HMGN1: variants seen among roughly 807,000 people sequenced by gnomAD.
HMGN1 encodes high mobility group nucleosome binding domain 1.
Under a neutral mutation model 18.4 loss-of-function variants are expected in HMGN1, and 9 were observed. That is an observed-to-expected ratio of 0.49 (90% CI 0.29 to 0.85). HMGN1 has a LOEUF of 0.85. HMGN1 is among the 40% of genes least tolerant of loss of function. The pLI, the probability that HMGN1 is intolerant of heterozygous loss-of-function variation, is 0.07. For synonymous variants in HMGN1, 59 were observed against 45.0 expected (o/e 1.31, Z -1.24); for missense variants, 151 against 119.2 (o/e 1.27, Z -1.24).
rs2037172995 is a variant in HMGN1, at chr21:39,348,957, A to C, written c.-40T>G. The C allele has an allele frequency of 8.4e-7, 1 of 1,194,828 alleles. No individual in the cohort carries two copies. Among genetic ancestry groups the C allele is most frequent in the Non-Finnish European group, 1.0e-6 (1 of 964,688 alleles). 74.0% of individuals were successfully genotyped at this position (1,194,828 alleles called of 1,614,324 possible). Reference sequence around the variant, plus strand: ...AGGCGCGTGCCGGGTGCCTGCGGGGAAGGCGCGTGCCGGGTGCCTGCGGGC... The same window carrying C: ...AGGCGCGTGCCGGGTGCCTGCGGGGCAGGCGCGTGCCGGGTGCCTGCGGGC... On this transcript the variant is annotated 5_prime_UTR_variant, in exon 1 of 6. Coordinates refer to ENST00000380749, the MANE Select transcript of HMGN1 (RefSeq NM_004965.7).
intron 3 of HMGN1, 34 bp downstream of exon 3, chr21:39,348,388 G>A: frequency 1.2e-6 from 2 of 1,614,208 alleles, no homozygotes; most frequent in Non-Finnish European, 1.7e-6. Context: ...ACGACCCGCG[G>A]AAAACGAACG....
rs949529732 is a variant in HMGN1 at position 39,342,696 on chromosome 21, G to A, written c.*416C>T. Reference sequence around the variant, plus strand: ...ATGATCAAAGAGTGGTTTTCTTTAGGAAACAATTCTACTAAAAAACAACAT... The same window carrying A: ...ATGATCAAAGAGTGGTTTTCTTTAGAAAACAATTCTACTAAAAAACAACAT... On this transcript the variant is annotated 3_prime_UTR_variant, in exon 6 of 6. Transcript: ENST00000380749. 9.6e-5 allele frequency: 33 copies of A among 344,186 alleles called. No homozygotes were observed. Among genetic ancestry groups the A allele is most frequent in the Admixed American group, 1.3e-4 (3 of 22,398 alleles). 21.3% of individuals were successfully genotyped at this position (344,186 alleles called of 1,614,324 possible). A position where few individuals can be genotyped will look rare whatever the true frequency, so the allele number is the denominator to read the frequency against.
Position 39,343,367 on chromosome 21 carries a change from CAGGAAA to C in HMGN1, c.256-214_256-209del, listed in dbSNP as rs531379628. On this transcript the variant is annotated intron_variant, in intron 5 of 5. Coordinates refer to ENST00000380749, the MANE Select transcript of HMGN1 (RefSeq NM_004965.7). ...TGGTCATGTGCATGCATCTACAGAG[CAGGAAA>C]AAATGTTGAGTTGCATCACATGTAC... Among the ~76,000 whole-genome samples the C allele has an allele frequency of 7.6e-3, 1,160 of 152,268 alleles. 8 individuals carry two copies. The highest frequency in any genetic ancestry group is 0.027 in the Middle Eastern group (8 of 294).
chr21:39,348,627 C>A (rs781372906), intron 1 of HMGN1, 50 bp from the exon 2 acceptor site: 3 of 1,501,944 alleles, frequency 2.0e-6, no homozygotes, highest in South Asian at 1.2e-5. Context: ...TCCCAGGACT[C>A]GCGGGCCCGC....
intron 5 of HMGN1, among the ~76,000 whole-genome samples, chr21:39,343,834 G>A (rs35242635): frequency 2.0e-5 from 3 of 152,130 alleles, no homozygotes; most frequent in East Asian, 1.9e-4. Flanking sequence ...ATAGAACACA[G>A]CTATAAACAA....
chr21:39,342,865 C>T lies in HMGN1; in HGVS notation c.*247G>A. 6.9e-7 allele frequency: 1 copy of T among 1,452,822 alleles called. No individual in the cohort carries two copies. Among genetic ancestry groups the T allele is most frequent in the South Asian group, 1.2e-5 (1 of 82,114 alleles). 90.0% of individuals were successfully genotyped at this position (1,452,822 alleles called of 1,614,324 possible). A position where few individuals can be genotyped will look rare whatever the true frequency, so the allele number is the denominator to read the frequency against. Reference sequence around the variant, plus strand: ...AGCTGACACCCGAGACAGTCAGAGCCTCCCATAATTCAATATCCCACACTA... The same window carrying T: ...AGCTGACACCCGAGACAGTCAGAGCTTCCCATAATTCAATATCCCACACTA... On this transcript the variant is annotated 3_prime_UTR_variant, in exon 6 of 6. Transcript: ENST00000380749.
rs200365850 is a variant in HMGN1, at chr21:39,342,866, T to C, written c.*246A>G. The stretch of plus-strand genomic sequence containing the variant: ...GCTGACACCCGAGACAGTCAGAGCC[T>C]CCCATAATTCAATATCCCACACTAT... On this transcript the variant is annotated 3_prime_UTR_variant, in exon 6 of 6. Transcript: ENST00000380749. The C allele has an allele frequency of 2.2e-4, 322 of 1,448,902 alleles. 1 individual carries two copies. The highest frequency in any genetic ancestry group is 2.9e-4 in the Non-Finnish European group (316 of 1,085,918). 89.8% of individuals were successfully genotyped at this position (1,448,902 alleles called of 1,614,324 possible). A position where few individuals can be genotyped will look rare whatever the true frequency, so the allele number is the denominator to read the frequency against.
At chr21:39,345,399 G>A in intron 4 of HMGN1, 125 bp from the exon 5 acceptor site, 2 of 869,680 alleles carry the variant, frequency 2.3e-6, no homozygotes, top group Non-Finnish European at 1.8e-6. Context: ...AGTAAGGTTT[G>A]AGAGAGGGAC....
intron 4 of HMGN1, 43 bp downstream of exon 4, chr21:39,348,247 TAG>T (rs1279499847): frequency 1.9e-6 from 3 of 1,604,640 alleles, no homozygotes; most frequent in Non-Finnish European, 2.6e-6. Flanking sequence ...AGAAGCAGTG[TAG>T]CCTAAGGCCC....
At chr21:39,347,854 A>AC in intron 4 of HMGN1, 1 of 61,274 alleles carries the variant, frequency 1.6e-5, no homozygotes, top group Non-Finnish European at 3.4e-5. Flanking sequence ...CCCCACCCCC[A>AC]CCCCGTAAAA....
At chr21:39,345,627 T>C (rs1039540795) in intron 4 of HMGN1, 11 of 390,078 alleles carry the variant, frequency 2.8e-5, no homozygotes, top group Admixed American at 1.8e-4. Flanking sequence ...ATTAGACATA[T>C]GACAAATCCT....
rs549885643 is a variant in HMGN1, at chr21:39,347,433, G to A, written c.126+859C>T. On this transcript the variant is annotated intron_variant, in intron 4 of 5. Coordinates refer to ENST00000380749, the MANE Select transcript of HMGN1 (RefSeq NM_004965.7). ...TATCCAACAACTCCTCAATGTCAAG[G>A]AAATTAATCTTGCCTCTTCTGATGA... 6 of 1,286,352 alleles carry A rather than the reference G, an allele frequency of 4.7e-6. No individual in the cohort carries two copies. In the Admixed American group the frequency reaches 1.4e-4, roughly 30 times the overall value. The allele number at this position is 1,286,352 out of a possible 1,614,324, so 79.7% of individuals were successfully genotyped here.
intron 5 of HMGN1, among the ~76,000 whole-genome samples, chr21:39,343,658 C>G (rs527547850): frequency 2.0e-5 from 3 of 152,070 alleles, no homozygotes; most frequent in Non-Finnish European, 4.4e-5. Context: ...GTAGTGAGTT[C>G]GATGTGAATT....
At chr21:39,345,714 G>C (rs1204217393) in intron 4 of HMGN1, 5 of 621,738 alleles carry the variant, frequency 8.0e-6, no homozygotes, top group Non-Finnish European at 1.3e-5. Flanking sequence ...ACAATGTCAT[G>C]AAGTTGAATA....
rs2036909855 is a variant in HMGN1, at chr21:39,342,872, A to T, written c.*240T>A. 7.0e-7 allele frequency: 1 copy of T among 1,436,904 alleles called. No homozygotes were observed. The highest frequency in any genetic ancestry group is 9.3e-7 in the Non-Finnish European group (1 of 1,073,888). 89.0% of individuals were successfully genotyped at this position (1,436,904 alleles called of 1,614,324 possible). ...ACCCGAGACAGTCAGAGCCTCCCAT[A>T]ATTCAATATCCCACACTATTTTCTG... On this transcript the variant is annotated 3_prime_UTR_variant, in exon 6 of 6. Coordinates refer to ENST00000380749, the MANE Select transcript of HMGN1 (RefSeq NM_004965.7).
intron 4 of HMGN1, chr21:39,347,975 T>G (rs1601559257): frequency 1.8e-5 from 22 of 1,226,510 alleles, no homozygotes; most frequent in African/African-American, 2.7e-5. Flanking sequence ...AAAAAGGAAG[T>G]ACAAGCACGA....
rs7283505 is a variant in HMGN1, at chr21:39,347,945, T to A, written c.126+347A>T. On this transcript the variant is annotated intron_variant, in intron 4 of 5. Coordinates refer to ENST00000380749, the MANE Select transcript of HMGN1 (RefSeq NM_004965.7). ...TCCCTTTCTCCTGGCCTCGGTGCTATCTTGACTCTTTTATTGTCAAAAAAG... is the reference window on the plus strand; with the variant it reads ...TCCCTTTCTCCTGGCCTCGGTGCTAACTTGACTCTTTTATTGTCAAAAAAG... 0.014 allele frequency: 15,749 copies of A among 1,138,684 alleles called. 1,702 individuals are homozygous for A. In the African/African-American group the frequency reaches 0.24, roughly 17 times the overall value. The allele number at this position is 1,138,684 out of a possible 1,614,324, so 70.5% of individuals were successfully genotyped here.
intron 1 of HMGN1, 33 bp from the exon 2 acceptor site, chr21:39,348,610 G>A (rs910284274): frequency 1.2e-5 from 18 of 1,560,380 alleles, no homozygotes; most frequent in Non-Finnish European, 1.6e-5. Flanking sequence ...ATAGAGGCGG[G>A]CCGCAGTCCC....
chr21:39,346,923 G>A (rs992557226), intron 4 of HMGN1: 2 of 152,198 alleles, frequency 1.3e-5, no homozygotes, highest in South Asian at 2.1e-4. Flanking sequence ...AACCCACTGA[G>A]AGTAAAACTT....
Sources: allele counts gnomAD v4.1 joint callset (sites outside exome capture counted in the v4.1 genomes callset), GRCh38; gene constraint gnomAD v4.1.1; transcripts MANE v1.5; gene names NCBI Gene and HGNC (gene_info 2026-07-23, HGNC 2026-07-21).